The following RAP1GDS1 variants were observed in gnomAD, a reference collection of about 807,000 sequenced individuals.
RAP1GDS1 encodes the protein RAP1, GTP-GDP dissociation stimulator 1.
In RAP1GDS1, 35 loss-of-function variants were observed where a neutral mutation model predicts 71.1. The observed-to-expected ratio is 0.49, with a 90% confidence interval of 0.38 to 0.65. The LOEUF is 0.65. RAP1GDS1 is among the 30% of genes least tolerant of loss of function. RAP1GDS1 has a pLI of 0.00. For missense variants in RAP1GDS1, 663 were observed against 706.1 expected, an observed-to-expected ratio of 0.94 and a Z score of 0.69; for synonymous variants, 229 against 243.1, an observed-to-expected ratio of 0.94 and a Z score of 0.54.
chr4:98,313,000 T>C (rs1332529270), intron 2 of RAP1GDS1, among the ~76,000 whole-genome samples: 1 of 117,668 alleles, frequency 8.5e-6, no homozygotes, highest in Non-Finnish European at 1.7e-5. Flanking sequence ...ACTTGGGAGG[T>C]GGAACTTGCA....
intron 6 of RAP1GDS1, among the ~76,000 whole-genome samples, chr4:98,399,540 T>TA (rs1745061127): frequency 6.6e-6 from 1 of 152,168 alleles, no homozygotes; most frequent in South Asian, 2.1e-4. Context: ...GCAGTCCACC[T>TA]GCCTTAGCTT....
intron 1 of RAP1GDS1, among the ~76,000 whole-genome samples, chr4:98,271,401 T>C (rs1385775003): frequency 2.6e-5 from 4 of 152,162 alleles, no homozygotes; most frequent in South Asian, 2.1e-4. Context: ...TGATTTGTGA[T>C]GGCTGTCAAT....
chr4:98,392,093 C>G lies in RAP1GDS1; in HGVS notation c.637+13C>G. On this transcript the variant is annotated intron_variant, in intron 6 of 14. Transcript: ENST00000408927. ...TTAGCAGAACTTGGTAAGTCTTAGTCATGAACCACAAATGTAATTAACTTA... is the reference window on the plus strand; with the variant it reads ...TTAGCAGAACTTGGTAAGTCTTAGTGATGAACCACAAATGTAATTAACTTA... 6.2e-7 allele frequency: 1 copy of G among 1,602,428 alleles called. No individual in the cohort carries two copies. Among genetic ancestry groups the G allele is most frequent in the Non-Finnish European group, 8.5e-7 (1 of 1,173,852 alleles).
At chr4:98,268,794 A>G (rs143912615) in intron 1 of RAP1GDS1, among the ~76,000 whole-genome samples, 75 of 152,288 alleles carry the variant, frequency 4.9e-4, no homozygotes, top group Middle Eastern at 3.4e-3. Flanking sequence ...GAAAACTGTA[A>G]GACATTGATG....
intron 7 of RAP1GDS1, among the ~76,000 whole-genome samples, chr4:98,412,454 G>A (rs570063313): frequency 6.6e-6 from 1 of 152,336 alleles, no homozygotes; most frequent in Admixed American, 6.5e-5. Flanking sequence ...GTTCAAGGAT[G>A]CAGTGAGCTA....
intron 1 of RAP1GDS1, among the ~76,000 whole-genome samples, chr4:98,262,864 A>T (rs976543578): frequency 6.6e-6 from 1 of 152,186 alleles, no homozygotes; most frequent in Non-Finnish European, 1.5e-5. Context: ...CTTTGGCCAT[A>T]TATCTGGAAG....
chr4:98,313,736 A>C (rs919061801), intron 2 of RAP1GDS1, among the ~76,000 whole-genome samples: 2 of 152,140 alleles, frequency 1.3e-5, no homozygotes, highest in Admixed American at 6.5e-5. Flanking sequence ...GGTCCCATCT[A>C]CTTGGGAGGC....
intron 12 of RAP1GDS1, among the ~76,000 whole-genome samples, chr4:98,429,394 G>A (rs920794979): frequency 4.6e-5 from 7 of 152,148 alleles, no homozygotes; most frequent in Admixed American, 2.0e-4. Context: ...TCTGACTCAG[G>A]GGTGGAAACC....
intron 1 of RAP1GDS1, among the ~76,000 whole-genome samples, chr4:98,283,438 A>G (rs1725479386): frequency 6.6e-6 from 1 of 152,208 alleles, no homozygotes; most frequent in African/African-American, 2.4e-5. Flanking sequence ...GAGCAACACA[A>G]GACTACCATA....
At chr4:98,318,043 A>G (rs1057331452) in intron 2 of RAP1GDS1, among the ~76,000 whole-genome samples, 4 of 152,020 alleles carry the variant, frequency 2.6e-5, no homozygotes, top group Admixed American at 1.3e-4. Context: ...GGGTTTCACC[A>G]TGTTGGTCAG....
At chr4:98,304,158 C>G (rs900089286) in intron 2 of RAP1GDS1, among the ~76,000 whole-genome samples, 1 of 152,114 alleles carries the variant, frequency 6.6e-6, no homozygotes, top group Non-Finnish European at 1.5e-5. Context: ...AGTGAATGTA[C>G]ACGTGCATGT....
intron 12 of RAP1GDS1, among the ~76,000 whole-genome samples, chr4:98,422,483 T>C (rs1749034462): frequency 6.6e-6 from 1 of 152,148 alleles, no homozygotes; most frequent in African/African-American, 2.4e-5. Context: ...CCCAAAGTGC[T>C]GGGATTACAG....
intron 2 of RAP1GDS1, among the ~76,000 whole-genome samples, chr4:98,335,595 GCTT>G (rs1734602256): frequency 6.6e-6 from 1 of 151,562 alleles, no homozygotes; most frequent in South Asian, 2.1e-4. Flanking sequence ...CATAAATGTA[GCTT>G]CTTTTTAAAA....
intron 5 of RAP1GDS1, among the ~76,000 whole-genome samples, chr4:98,386,602 A>G (rs1425942452): frequency 3.3e-5 from 5 of 150,128 alleles, no homozygotes; most frequent in African/African-American, 1.2e-4. Context: ...ATTTCTATGT[A>G]TCATTGAAAT....
chr4:98,392,438 T>C (rs548706774), intron 6 of RAP1GDS1, among the ~76,000 whole-genome samples: 1 of 152,332 alleles, frequency 6.6e-6, no homozygotes, highest in South Asian at 2.1e-4. Context: ...TGAAATGTAT[T>C]GCATAGTGGC....
At chr4:98,347,410 T>C (rs1015680478) in intron 3 of RAP1GDS1, among the ~76,000 whole-genome samples, 15 of 152,172 alleles carry the variant, frequency 9.9e-5, no homozygotes, top group Admixed American at 2.6e-4. Context: ...GGGAAAAACA[T>C]TAGTCTTAGG....
intron 4 of RAP1GDS1, among the ~76,000 whole-genome samples, chr4:98,374,104 A>G (rs1740811328): frequency 6.6e-6 from 1 of 152,160 alleles, no homozygotes; most frequent in African/African-American, 2.4e-5. Flanking sequence ...AAGTAAAACC[A>G]TGGATGAAGG....
At chr4:98,419,998 A>G (rs745808135) in intron 10 of RAP1GDS1, 21 bp from the exon 11 acceptor site, 56 of 1,573,648 alleles carry the variant, frequency 3.6e-5, no homozygotes, top group African/African-American at 4.1e-5. Context: ...CATTTTAACC[A>G]TAGTCTCTCT....
intron 7 of RAP1GDS1, among the ~76,000 whole-genome samples, chr4:98,411,249 C>A (rs569886017): frequency 5.3e-4 from 80 of 152,264 alleles, no homozygotes; most frequent in Non-Finnish European, 6.3e-4. Flanking sequence ...GTAGTTTAAG[C>A]CTCCTATATA....
Sources: allele counts gnomAD v4.1 joint callset (sites outside exome capture counted in the v4.1 genomes callset), GRCh38; gene constraint gnomAD v4.1.1; transcripts MANE v1.5; gene names NCBI Gene and HGNC (gene_info 2026-07-23, HGNC 2026-07-21).